HMCN1: variants seen among roughly 807,000 people sequenced by gnomAD.
HMCN1 encodes the protein hemicentin 1.
A neutral mutation model predicts 625.9 loss-of-function variants in HMCN1; 321 were observed. That is an observed-to-expected ratio of 0.51 (90% CI 0.47 to 0.56). The LOEUF is 0.56. Among genes scored for constraint, HMCN1 ranks in the 20% least tolerant of loss-of-function variants. HMCN1 has a pLI of 0.00. For synonymous variants in HMCN1, 2,425 were observed against 2,417.6 expected, an observed-to-expected ratio of 1.00 and a Z score of -0.09; for missense variants, 6,588 against 6,887.3, an observed-to-expected ratio of 0.96 and a Z score of 1.54.
chr1:186,030,960 T>C (rs1655393599), intron 36 of HMCN1, among the ~76,000 whole-genome samples: 1 of 152,008 alleles, frequency 6.6e-6, no homozygotes, highest in Non-Finnish European at 1.5e-5. Context: ...GTGCTATTAT[T>C]GTTAAACGAA....
At chr1:185,898,493 G>A (rs917192220) in intron 4 of HMCN1, among the ~76,000 whole-genome samples, 1 of 152,068 alleles carries the variant, frequency 6.6e-6, no homozygotes, top group South Asian at 2.1e-4. Context: ...TAGAAAGATA[G>A]CGATTTTAAT....
In HMCN1 at chr1:186,018,166, T is replaced by C. The variant is rs745390333; in HGVS notation, c.5301-17T>C. On this transcript the variant is annotated splice_polypyrimidine_tract_variant and intron_variant, in intron 33 of 106. Transcript: ENST00000271588. ...CTTAAAATATTTATCCAGACTTCCT[T>C]TTGCCTTTTTCTATAGGTGGCTGAA... 3.2e-4 allele frequency: 510 copies of C among 1,604,428 alleles called. 2 individuals are homozygous for C. The highest frequency in any genetic ancestry group is 6.2e-5 in the Non-Finnish European group (73 of 1,171,646).
chr1:186,044,067 G>A (rs796384108), intron 40 of HMCN1, among the ~76,000 whole-genome samples: 25 of 152,170 alleles, frequency 1.6e-4, no homozygotes, highest in African/African-American at 5.8e-4. Flanking sequence ...GGCAACAAGA[G>A]CAAAACTTCT....
intron 4 of HMCN1, among the ~76,000 whole-genome samples, chr1:185,873,675 G>A (rs1663767487): frequency 6.6e-6 from 1 of 151,856 alleles, no homozygotes; most frequent in Non-Finnish European, 1.5e-5. Flanking sequence ...TGAATAATAA[G>A]CAACTAACTC....
chr1:185,879,480 C>A (rs12239002), intron 4 of HMCN1, among the ~76,000 whole-genome samples: 6,238 of 152,128 alleles, frequency 0.041, 460 homozygotes, highest in African/African-American at 0.14. Flanking sequence ...CTCATGTGAT[C>A]TTTTGACTGT....
intron 55 of HMCN1, among the ~76,000 whole-genome samples, chr1:186,080,294 T>A (rs1659086691): frequency 6.6e-6 from 1 of 152,208 alleles, no homozygotes; most frequent in Non-Finnish European, 1.5e-5. Flanking sequence ...AGCATCTACA[T>A]CAACTTGCAG....
chr1:186,120,454 A>T (rs945880868), intron 80 of HMCN1, among the ~76,000 whole-genome samples: 1 of 152,220 alleles, frequency 6.6e-6, no homozygotes, highest in Admixed American at 6.5e-5. Flanking sequence ...TCTCTCTACA[A>T]TACTACCTTG....
At chr1:186,050,327 G>A (rs1243662525) in intron 42 of HMCN1, among the ~76,000 whole-genome samples, 1 of 151,864 alleles carries the variant, frequency 6.6e-6, no homozygotes, top group Non-Finnish European at 1.5e-5. Context: ...TGAAATAAGA[G>A]TTAAAAACAT....
intron 11 of HMCN1, among the ~76,000 whole-genome samples, chr1:185,956,728 G>A (rs947866396): frequency 6.6e-6 from 1 of 152,026 alleles, no homozygotes; most frequent in African/African-American, 2.4e-5. Flanking sequence ...TCCCTTCCCT[G>A]GATTTTGAGG....
intron 55 of HMCN1, among the ~76,000 whole-genome samples, chr1:186,078,763 C>G (rs1461433756): frequency 6.6e-6 from 1 of 152,220 alleles, no homozygotes; most frequent in African/African-American, 2.4e-5. Flanking sequence ...CAATCACAGA[C>G]AGCAAGAGGT....
intron 2 of HMCN1, among the ~76,000 whole-genome samples, chr1:185,858,208 A>G (rs1662593168): frequency 6.6e-6 from 1 of 152,206 alleles, no homozygotes; most frequent in Admixed American, 6.5e-5. Context: ...CTCTCTCAGC[A>G]CTTGGCTCAG....
At chr1:185,875,123 A>G (rs1042528742) in intron 4 of HMCN1, among the ~76,000 whole-genome samples, 1 of 152,012 alleles carries the variant, frequency 6.6e-6, no homozygotes, top group Admixed American at 6.6e-5. Context: ...TTATGTATGC[A>G]TATTTCTAGA....
In HMCN1 at chr1:186,057,395, C is replaced by A; in HGVS notation, c.7306C>A (p.Leu2436Ile). The A allele has an allele frequency of 6.2e-7, 1 of 1,604,476 alleles. No individual in the cohort carries two copies. The highest frequency in any genetic ancestry group is 8.5e-7 in the Non-Finnish European group (1 of 1,171,684). The stretch of plus-strand genomic sequence containing the variant: ...CAGCCTTAGCAATTCTGTGAGGATT[C>A]TTTCAGGTATTAGAAATTCTGGTAG... ...PVSLSNSVRI[L>I]SGGRMLRLMQ... The change falls in exon 46 of 107, where the codon CTT becomes ATT. Residue 2436 changes from leucine (L) to isoleucine (I), a missense_variant. Transcript: ENST00000271588.
intron 30 of HMCN1, among the ~76,000 whole-genome samples, chr1:186,011,825 G>T (rs1000185283): frequency 2.0e-5 from 3 of 152,056 alleles, no homozygotes; most frequent in Non-Finnish European, 4.4e-5. Flanking sequence ...GGTAATTTGG[G>T]GTTGGACTCA....
In HMCN1 at chr1:185,831,767, A is replaced by C. The variant is rs569066522; in HGVS notation, c.269-14259A>C. On this transcript the variant is annotated intron_variant, in intron 1 of 106. Coordinates refer to ENST00000271588, the MANE Select transcript of HMCN1 (RefSeq NM_031935.3). ...AATTCAAAACATCTACAAGAAAGAT[A>C]AAATAACTAGCCATAAGTTTACCAA... 1.8e-4 allele frequency among the ~76,000 whole-genome samples: 27 copies of C among 152,336 alleles called. No homozygotes were observed. The South Asian group carries it at 5.4e-3, about 30-fold the overall frequency.
intron 36 of HMCN1, among the ~76,000 whole-genome samples, chr1:186,033,526 A>C (rs1201034204): frequency 6.6e-6 from 1 of 152,146 alleles, no homozygotes; most frequent in Admixed American, 6.6e-5. Context: ...AATTCCCAAA[A>C]CAATGTGGAT....
At chr1:185,895,593 T>C (rs927895863) in intron 4 of HMCN1, among the ~76,000 whole-genome samples, 4 of 152,250 alleles carry the variant, frequency 2.6e-5, no homozygotes, top group African/African-American at 7.2e-5. Context: ...TATTCCCTTC[T>C]GTCTGTCACA....
chr1:186,187,440 TAAAAC>T (rs976902870), intron 105 of HMCN1, among the ~76,000 whole-genome samples: 1 of 152,190 alleles, frequency 6.6e-6, no homozygotes, highest in Non-Finnish European at 1.5e-5. Flanking sequence ...TTTGACATTA[TAAAAC>T]AAAACACTCA....
At chr1:186,151,908 T>G (rs940963824) in intron 95 of HMCN1, among the ~76,000 whole-genome samples, 165 bp downstream of exon 95, 1 of 152,234 alleles carries the variant, frequency 6.6e-6, no homozygotes. Flanking sequence ...TGTACTAACA[T>G]AAGATCATAA....
Sources: gnomAD v4.1 joint callset for allele counts (sites outside exome capture counted in the v4.1 genomes callset) on GRCh38, gnomAD v4.1.1 for gene constraint, MANE v1.5 for transcripts, NCBI Gene and HGNC (gene_info 2026-07-23, HGNC 2026-07-21) for gene names.